The following GABRG3 variants were observed in gnomAD, a reference collection of about 807,000 sequenced individuals.
GABRG3 encodes the protein gamma-aminobutyric acid receptor subunit gamma-3.
GABRG3 carries 25 observed loss-of-function variants against 48.8 expected under a neutral mutation model. The observed-to-expected ratio is 0.51, with a 90% CI of 0.37 to 0.72. GABRG3 has a LOEUF of 0.72. Ranked by LOEUF, GABRG3 falls within the 30% of genes least tolerant of loss-of-function variation. GABRG3 has a pLI of 0.00. For synonymous variants in GABRG3, 227 were observed against 217.6 expected (o/e 1.04, Z -0.38); for missense variants, 394 against 577.9 (o/e 0.68, Z 3.26).
intron 3 of GABRG3, among the ~76,000 whole-genome samples, chr15:27,248,803 C>CAGAG (rs1170812736): frequency 4.4e-4 from 48 of 110,238 alleles, no homozygotes; most frequent in African/African-American, 9.7e-4. Context: ...CACACACACA[C>CAGAG]AGAGAGAGAG....
chr15:27,188,674 G>T (rs568103922), intron 3 of GABRG3, among the ~76,000 whole-genome samples: 354 of 151,880 alleles, frequency 2.3e-3, no homozygotes, highest in African/African-American at 8.3e-3. Context: ...CCATTTTGTG[G>T]GTTGCCTGTT....
intron 5 of GABRG3, among the ~76,000 whole-genome samples, chr15:27,419,864 T>C (rs1888057614): frequency 6.6e-6 from 1 of 152,202 alleles, no homozygotes; most frequent in African/African-American, 2.4e-5. Context: ...GGTTGGGAAC[T>C]TGCTGACAAA....
At chr15:27,205,764 T>C (rs1238001761) in intron 3 of GABRG3, among the ~76,000 whole-genome samples, 4 of 152,128 alleles carry the variant, frequency 2.6e-5, no homozygotes, top group East Asian at 1.9e-4. Flanking sequence ...TATTGGTCAA[T>C]TCAGGTTTCA....
chr15:27,454,679 C>T (rs1365891281), intron 5 of GABRG3, among the ~76,000 whole-genome samples: 1 of 152,104 alleles, frequency 6.6e-6, no homozygotes, highest in Non-Finnish European at 1.5e-5. Context: ...ACAGTAAGGC[C>T]ACAGAAACAA....
chr15:27,054,590 G>C (rs1304017968), intron 3 of GABRG3, among the ~76,000 whole-genome samples: 1 of 152,166 alleles, frequency 6.6e-6, no homozygotes, highest in African/African-American at 2.4e-5. Context: ...AAATGCATCC[G>C]TTTATTTTGT....
At chr15:26,992,351 A>G (rs1010141688) in intron 2 of GABRG3, among the ~76,000 whole-genome samples, 11 of 152,212 alleles carry the variant, frequency 7.2e-5, no homozygotes, top group Admixed American at 2.6e-4. Context: ...ATTCAATATG[A>G]TACTAGCTGT....
chr15:27,100,420 A>G (rs569532774), intron 3 of GABRG3, among the ~76,000 whole-genome samples: 8 of 152,324 alleles, frequency 5.3e-5, no homozygotes, highest in Admixed American at 2.0e-4. Flanking sequence ...ATTAACACCA[A>G]TTCTACAAAA....
chr15:27,499,113 G>A (rs1890558226), intron 6 of GABRG3, among the ~76,000 whole-genome samples: 1 of 152,168 alleles, frequency 6.6e-6, no homozygotes, highest in Non-Finnish European at 1.5e-5. Flanking sequence ...AACCTCATAT[G>A]CCTTGGGGTA....
chr15:26,986,565 G>A (rs183204631), intron 2 of GABRG3, among the ~76,000 whole-genome samples: 10 of 152,290 alleles, frequency 6.6e-5, no homozygotes, highest in Middle Eastern at 3.4e-3. Context: ...GTAAAGCTCC[G>A]TGTGAGACAG....
intron 3 of GABRG3, among the ~76,000 whole-genome samples, chr15:27,132,425 T>C (rs1422491489): frequency 1.3e-5 from 2 of 151,130 alleles, no homozygotes; most frequent in Non-Finnish European, 3.0e-5. Context: ...GGCTTTTTCT[T>C]GTTTGGAGGT....
chr15:27,037,131 C>T (rs2140693416), intron 3 of GABRG3, among the ~76,000 whole-genome samples: 1 of 152,296 alleles, frequency 6.6e-6, no homozygotes, highest in Non-Finnish European at 1.5e-5. Context: ...CAGCTTCTCC[C>T]TCACAGCCCC....
At chr15:27,039,981 T>G (rs147480593) in intron 3 of GABRG3, among the ~76,000 whole-genome samples, 2 of 152,366 alleles carry the variant, frequency 1.3e-5, no homozygotes, top group East Asian at 3.9e-4. Context: ...TTCTCTTTTC[T>G]GCTCCCTCCA....
In GABRG3 at chr15:26,971,309, G is replaced by A. The variant is rs1221177367; in HGVS notation, c.-227G>A. The A allele has an allele frequency of 5.7e-5, 14 of 244,880 alleles. No individual in the cohort carries two copies. 15.2% of individuals were successfully genotyped at this position (244,880 alleles called of 1,614,324 possible). Reference sequence around the variant, plus strand: ...CGCCCGGTTGCGCGGACCGGCGCTAGTGCGCGGGTGGGGGCGGCGCGCCGC... The same window carrying A: ...CGCCCGGTTGCGCGGACCGGCGCTAATGCGCGGGTGGGGGCGGCGCGCCGC... On this transcript the variant is annotated 5_prime_UTR_variant, in exon 1 of 10. It adds an upstream start codon to the 5' untranslated region. Coordinates refer to ENST00000615808, the MANE Select transcript of GABRG3 (RefSeq NM_033223.5).
At chr15:27,423,379 A>G (rs1256198356) in intron 5 of GABRG3, among the ~76,000 whole-genome samples, 7 of 152,030 alleles carry the variant, frequency 4.6e-5, no homozygotes, top group Non-Finnish European at 1.0e-4. Flanking sequence ...TCTTTCCTTA[A>G]GCTTGTGTTA....
chr15:27,018,050 T>C (rs567648030), intron 2 of GABRG3, among the ~76,000 whole-genome samples: 24 of 152,368 alleles, frequency 1.6e-4, no homozygotes, highest in African/African-American at 5.8e-4. Context: ...AGGGAGAAGC[T>C]GCTATTATGA....
intron 5 of GABRG3, among the ~76,000 whole-genome samples, chr15:27,449,743 ACT>A (rs1223724106): frequency 6.6e-6 from 1 of 152,196 alleles, no homozygotes; most frequent in Non-Finnish European, 1.5e-5. Context: ...ATGAAGGCTG[ACT>A]CTAAAAATAT....
intron 3 of GABRG3, chr15:27,208,711 T>TTTTCCTAC (rs1888962207): frequency 6.6e-6 from 1 of 152,510 alleles, no homozygotes; most frequent in Non-Finnish European, 1.5e-5. Context: ...CCTTTTTAAT[T>TTTTCCTAC]CACTGAAGTT....
chr15:27,014,962 A>G (rs1488032309), intron 2 of GABRG3, among the ~76,000 whole-genome samples: 1 of 152,162 alleles, frequency 6.6e-6, no homozygotes, highest in Admixed American at 6.5e-5. Flanking sequence ...TTAGGTGTAT[A>G]TATACTTATG....
At chr15:27,284,516 T>C (rs1234336815) in intron 3 of GABRG3, among the ~76,000 whole-genome samples, 2 of 152,186 alleles carry the variant, frequency 1.3e-5, no homozygotes, top group Non-Finnish European at 2.9e-5. Context: ...ACACTCTCTC[T>C]CTCACACACA....
Sources: gnomAD v4.1 joint callset for allele counts (sites outside exome capture counted in the v4.1 genomes callset) on GRCh38, gnomAD v4.1.1 for gene constraint, MANE v1.5 for transcripts, NCBI Gene and HGNC (gene_info 2026-07-23, HGNC 2026-07-21) for gene names.